BBOX1: variants seen among roughly 807,000 people sequenced by gnomAD.
The protein encoded by BBOX1 is gamma-butyrobetaine dioxygenase.
A neutral mutation model predicts 41.6 loss-of-function variants in BBOX1; 35 were observed. That is an observed-to-expected ratio of 0.84 (90% CI 0.64 to 1.11). BBOX1 has a LOEUF of 1.11. BBOX1 is among the 50% of genes most tolerant of loss of function. The pLI is 0.00. For synonymous variants in BBOX1, 163 were observed against 154.7 expected, an observed-to-expected ratio of 1.05 and a Z score of -0.40; for missense variants, 458 against 460.6, an observed-to-expected ratio of 0.99 and a Z score of 0.05.
intron 4 of BBOX1, among the ~76,000 whole-genome samples, chr11:27,079,740 T>C (rs183264425): frequency 3.6e-4 from 55 of 152,016 alleles, no homozygotes; most frequent in African/African-American, 1.3e-3. Flanking sequence ...AAGGAAAAAT[T>C]AACCGTTGCT....
intron 4 of BBOX1, among the ~76,000 whole-genome samples, chr11:27,092,641 G>C (rs191915464): frequency 6.6e-6 from 1 of 151,988 alleles, no homozygotes; most frequent in East Asian, 1.9e-4. Context: ...GACCCCAAAG[G>C]ATCACTTGAT....
intron 7 of BBOX1, 80 bp downstream of exon 7, chr11:27,119,925 C>A: frequency 3.5e-6 from 3 of 861,490 alleles, no homozygotes; most frequent in Non-Finnish European, 3.2e-6. Flanking sequence ...TTAAACAGCA[C>A]AAAACTTCAA....
chr11:27,052,307 T>C (rs4923417), intron 2 of BBOX1, among the ~76,000 whole-genome samples: 132,520 of 152,114 alleles, frequency 0.87, 57,977 homozygotes, highest in Middle Eastern at 0.96. Flanking sequence ...CTTATTTCTT[T>C]TAGACTACAT....
chr11:27,116,671 A>G (rs907063634), intron 6 of BBOX1, among the ~76,000 whole-genome samples: 2 of 151,884 alleles, frequency 1.3e-5, no homozygotes, highest in African/African-American at 4.8e-5. Flanking sequence ...CACTCGGTCT[A>G]TTCACCACCA....
intron 8 of BBOX1, 149 bp from the exon 9 acceptor site, chr11:27,127,144 G>T: frequency 2.2e-6 from 2 of 894,530 alleles, no homozygotes; most frequent in African/African-American, 1.7e-5. Flanking sequence ...GATTTGTGTG[G>T]AAAAGTAAAT....
chr11:27,095,808 T>A (rs1377810177), intron 5 of BBOX1, among the ~76,000 whole-genome samples: 2 of 152,022 alleles, frequency 1.3e-5, no homozygotes, highest in African/African-American at 4.8e-5. Flanking sequence ...ATATTTTCTC[T>A]AACATTGTCC....
intron 4 of BBOX1, chr11:27,057,538 A>G (rs1009135057): frequency 6.2e-5 from 28 of 453,750 alleles, no homozygotes; most frequent in African/African-American, 5.2e-4. Context: ...AAACAAAATA[A>G]GTCCAGCAAA....
intron 4 of BBOX1, among the ~76,000 whole-genome samples, chr11:27,070,453 A>T (rs1294691788): frequency 2.6e-5 from 4 of 152,144 alleles, no homozygotes; most frequent in Non-Finnish European, 4.4e-5. Flanking sequence ...AGTTAGAGGC[A>T]TATATATTTA....
At chr11:27,058,391 A>G (rs947686050) in intron 4 of BBOX1, among the ~76,000 whole-genome samples, 45 of 152,224 alleles carry the variant, frequency 3.0e-4, no homozygotes, top group Admixed American at 2.2e-3. Flanking sequence ...ACAAACTAAT[A>G]CAGAAAATTG....
chr11:27,061,861 T>C (rs974288452), intron 4 of BBOX1, among the ~76,000 whole-genome samples: 7 of 152,220 alleles, frequency 4.6e-5, no homozygotes, highest in Non-Finnish European at 7.3e-5. Context: ...ATATATTGGG[T>C]ATCTATTTTG....
intron 7 of BBOX1, 32 bp downstream of exon 7, chr11:27,119,877 T>C (rs2134105640): frequency 8.0e-7 from 1 of 1,250,220 alleles, no homozygotes; most frequent in Non-Finnish European, 1.0e-6. Context: ...CCCATAGCAA[T>C]AAAAGAATTG....
rs1169861391 is a variant in BBOX1, at chr11:27,096,461, G to T, written c.533+3095G>T. Among the ~76,000 whole-genome samples, 3 of 152,102 alleles carry T rather than the reference G, an allele frequency of 2.0e-5. No homozygotes were observed. The East Asian group carries it at 5.8e-4, about 30-fold the overall frequency. On this transcript the variant is annotated intron_variant, in intron 5 of 8. Transcript: ENST00000263182. ...TAGGAACAGATTAAAAGTAAACTTTGCTCTCCATGCAGATTTTTCAAGGAA... is the reference window on the plus strand; with the variant it reads ...TAGGAACAGATTAAAAGTAAACTTTTCTCTCCATGCAGATTTTTCAAGGAA...
intron 4 of BBOX1, among the ~76,000 whole-genome samples, chr11:27,076,921 T>C (rs1360069363): frequency 6.6e-6 from 1 of 152,076 alleles, no homozygotes; most frequent in Non-Finnish European, 1.5e-5. Context: ...CTTGCAGTGC[T>C]CTCCACTAGC....
chr11:27,110,028 T>A (rs1396296145), intron 5 of BBOX1, among the ~76,000 whole-genome samples: 1 of 152,002 alleles, frequency 6.6e-6, no homozygotes, highest in Non-Finnish European at 1.5e-5. Flanking sequence ...AAATAGGACC[T>A]CCCCCACCTG....
intron 4 of BBOX1, among the ~76,000 whole-genome samples, chr11:27,071,032 C>G (rs536982989): frequency 6.6e-6 from 1 of 152,132 alleles, no homozygotes; most frequent in South Asian, 2.1e-4. Flanking sequence ...ATTTATGGAA[C>G]TTAGTTTTGC....
intron 4 of BBOX1, among the ~76,000 whole-genome samples, chr11:27,070,106 T>C (rs914202160): frequency 1.3e-5 from 2 of 152,184 alleles, no homozygotes; most frequent in Non-Finnish European, 2.9e-5. Context: ...TTTCCAGTTT[T>C]ATTCCACTGT....
chr11:27,126,824 G>A (rs1859675067), intron 8 of BBOX1, among the ~76,000 whole-genome samples: 1 of 151,868 alleles, frequency 6.6e-6, no homozygotes, highest in Non-Finnish European at 1.5e-5. Context: ...TACAGGCACT[G>A]CCACCACGCC....
intron 4 of BBOX1, among the ~76,000 whole-genome samples, chr11:27,060,243 G>A (rs1462304649): frequency 6.6e-6 from 1 of 152,038 alleles, no homozygotes; most frequent in Admixed American, 6.5e-5. Flanking sequence ...TGAAGATCTG[G>A]TTGTTTTAAG....
rs562327101 is a variant in BBOX1, at chr11:27,121,895, C to T, written c.836+2050C>T. ...CTATAGATAAGATTAACTGAATGTC[C>T]ACCATGTGGCTCATGACTTGGCTTT... is the stretch of plus-strand genomic sequence containing the variant. On this transcript the variant is annotated intron_variant, in intron 7 of 8. Coordinates refer to ENST00000263182, the MANE Select transcript of BBOX1 (RefSeq NM_003986.3). 7.2e-5 allele frequency among the ~76,000 whole-genome samples: 11 copies of T among 152,194 alleles called. No individual in the cohort carries two copies. The South Asian group carries it at 2.1e-3, about 29-fold the overall frequency.
Sources: allele counts gnomAD v4.1 joint callset (sites outside exome capture counted in the v4.1 genomes callset), GRCh38; gene constraint gnomAD v4.1.1; transcripts MANE v1.5; gene names NCBI Gene and HGNC (gene_info 2026-07-23, HGNC 2026-07-21).